Variants in ACOT9 observed in about 807,000 individuals in gnomAD.
ACOT9 encodes the protein acyl-coenzyme A thioesterase 9, mitochondrial.
A neutral mutation model predicts 39.7 loss-of-function variants in ACOT9; 34 were observed. That is an observed-to-expected ratio of 0.86 (90% confidence interval 0.65 to 1.14). The LOEUF is 1.14. ACOT9 is among the 50% of genes most tolerant of loss of function. ACOT9 has a pLI of 0.00. For missense variants in ACOT9, 313 were observed against 344.1 expected, an observed-to-expected ratio of 0.91 and a Z score of 0.71; for synonymous variants, 110 against 120.5, an observed-to-expected ratio of 0.91 and a Z score of 0.57.
rs1318479813 is a variant in ACOT9, at chrX:23,708,638, G to T, written c.663-694C>A. Among the ~76,000 whole-genome samples, 5 of 111,629 alleles carry T rather than the reference G, an allele frequency of 4.5e-5. No individual in the cohort carries two copies. In the East Asian group the frequency reaches 1.4e-3, roughly 31 times the overall value. On this transcript the variant is annotated intron_variant, in intron 9 of 15. Coordinates refer to ENST00000379303, the MANE Select transcript of ACOT9 (RefSeq NM_001037171.2). ...GCAGAGAGACTATTCTAAAGAAACA[G>T]GATAACCAAATGCAATATACAATCC...
At chrX:23,704,952 GA>G (rs752050847) in intron 14 of ACOT9, 40 bp downstream of exon 14, 214 of 1,071,572 alleles carry the variant, frequency 2.0e-4, no homozygotes, top group Admixed American at 1.0e-3. Context: ...AGGCTCAAAT[GA>G]AAAAAAAAAG....
At chrX:23,737,689 T>C (rs1929988183) in intron 1 of ACOT9, among the ~76,000 whole-genome samples, 1 of 111,318 alleles carries the variant, frequency 9.0e-6, no homozygotes, top group African/African-American at 3.3e-5. Flanking sequence ...AGTCATCTTA[T>C]TTGGTTGCAA....
intron 1 of ACOT9, among the ~76,000 whole-genome samples, chrX:23,742,217 A>T (rs188275095): frequency 3.3e-3 from 136 of 41,062 alleles, no homozygotes; most frequent in African/African-American, 0.015. Flanking sequence ...AGTGAGTGAG[A>T]GAGAGAGAGA....
At chrX:23,738,744 T>C (rs933316292) in intron 1 of ACOT9, among the ~76,000 whole-genome samples, 10 of 112,227 alleles carry the variant, frequency 8.9e-5, no homozygotes, top group African/African-American at 3.2e-4. Flanking sequence ...GGAACTATAA[T>C]AGACACGTTA....
chrX:23,717,306 G>A (rs1929117033), intron 8 of ACOT9, among the ~76,000 whole-genome samples: 1 of 111,535 alleles, frequency 9.0e-6, no homozygotes, highest in Non-Finnish European at 1.9e-5. Context: ...AAGGAGTTTA[G>A]ACTTTAATCC....
chrX:23,713,060 A>G, intron 9 of ACOT9, 75 bp downstream of exon 9: 6 of 874,818 alleles, frequency 6.9e-6, no homozygotes, highest in East Asian at 3.2e-5. Context: ...ATGGACATTC[A>G]TTATAGTTTT....
chrX:23,730,592 A>G, intron 5 of ACOT9, 28 bp from the exon 6 acceptor site: 1 of 1,178,951 alleles, frequency 8.5e-7, no homozygotes, highest in Non-Finnish European at 1.2e-6. Context: ...CAGTGAATTA[A>G]ATGCAAATCA....
chrX:23,742,506 A>C (rs948266641), intron 1 of ACOT9, among the ~76,000 whole-genome samples: 12 of 110,604 alleles, frequency 1.1e-4, no homozygotes, highest in African/African-American at 3.6e-4. Flanking sequence ...GGAAGATTAC[A>C]TATACAAAAA....
At chrX:23,726,238 C>T (rs5970606) in intron 6 of ACOT9, among the ~76,000 whole-genome samples, 18 of 110,230 alleles carry the variant, frequency 1.6e-4, no homozygotes, top group African/African-American at 5.0e-4. Flanking sequence ...AAAATAAATT[C>T]AAAAAATAAT....
chrX:23,733,188 C>T lies in ACOT9; in HGVS notation c.175G>A (p.Ala59Thr). 8.3e-7 allele frequency: 1 copy of T among 1,208,443 alleles called. No individual in the cohort carries two copies. Among genetic ancestry groups the T allele is most frequent in the Non-Finnish European group, 1.1e-6 (1 of 893,110 alleles). ...VRDKLREIVG[A>T]STNWRDHVKA... is the part of the protein sequence containing the mutation. ...GATGCATACCTCCAGTTTGTGGATG[C>T]TCCTACTATCTCCCGCAACTTATCT... The change falls in exon 4 of 16, where the codon GCA (alanine) becomes ACA (threonine). Residue 59 changes from alanine (A) to threonine (T), a missense_variant. Coordinates refer to ENST00000379303, the MANE Select transcript of ACOT9 (RefSeq NM_001037171.2).
chrX:23,709,588 C>T (rs1601805710), intron 9 of ACOT9, among the ~76,000 whole-genome samples: 1 of 111,198 alleles, frequency 9.0e-6, no homozygotes, highest in African/African-American at 3.3e-5. Context: ...CACTAAGGGA[C>T]CAACATATTT....
At position 23,714,651 on chromosome X, in the gene ACOT9, G is replaced by A. The variant is rs1229272060; in HGVS notation, c.589-1443C>T. Among the ~76,000 whole-genome samples, 6 of 111,177 alleles carry A rather than the reference G, an allele frequency of 5.4e-5. No homozygotes were observed. In the East Asian group the frequency reaches 1.7e-3, roughly 32 times the overall value. On this transcript the variant is annotated intron_variant, in intron 8 of 15. Transcript: ENST00000379303. ...CTTTTTTTCTCTCCCCAGGAAGAGG[G>A]TCTCACTCTATCACCCAGGTTGGAG...
chrX:23,719,705 C>T (rs1929230160), intron 8 of ACOT9, among the ~76,000 whole-genome samples: 1 of 111,760 alleles, frequency 8.9e-6, no homozygotes, highest in Non-Finnish European at 1.9e-5. Flanking sequence ...AATCTAATGC[C>T]GCTGCTGATC....
At chrX:23,725,898 C>T (rs1485291219) in intron 6 of ACOT9, among the ~76,000 whole-genome samples, 2 of 107,351 alleles carry the variant, frequency 1.9e-5, no homozygotes, top group African/African-American at 6.8e-5. Context: ...TTAATATGAA[C>T]AAATTATAAA....
At chrX:23,704,551 G>C in intron 15 of ACOT9, 143 bp downstream of exon 15, 1 of 712,027 alleles carries the variant, frequency 1.4e-6, no homozygotes, top group East Asian at 3.3e-5. Context: ...TGGCCTTCAG[G>C]GCTGCCAAAT....
chrX:23,708,484 C>T (rs902969783), intron 9 of ACOT9, among the ~76,000 whole-genome samples: 19 of 106,210 alleles, frequency 1.8e-4, no homozygotes, highest in African/African-American at 5.5e-4. Flanking sequence ...GAGCCGAGAT[C>T]GTGCCAGTGC....
chrX:23,739,206 C>T (rs914018309), intron 1 of ACOT9, among the ~76,000 whole-genome samples: 2 of 110,492 alleles, frequency 1.8e-5, no homozygotes, highest in African/African-American at 3.3e-5. Context: ...TGCGGTGAGC[C>T]GAGATCGTGC....
rs780255334 is a variant in ACOT9 at position 23,730,913 on chromosome X, G to A, written c.265C>T (p.Pro89Ser). The A allele has an allele frequency of 2.0e-5, 24 of 1,210,296 alleles. No individual in the cohort carries two copies. Among genetic ancestry groups the A allele is most frequent in the Non-Finnish European group, 2.5e-5 (22 of 894,125 alleles). Residue 89 changes from proline to serine, a missense_variant, in exon 5 of 16, where the codon CCT (proline) becomes TCT (serine). Pro to Ser is a moderately conservative substitution (Grantham distance 74). Coordinates refer to ENST00000379303, the MANE Select transcript of ACOT9 (RefSeq NM_001037171.2). The part of the protein sequence containing the change: ...FLAKSQDGLP[P>S]RRMKDSYIEV... ...ATATAACTGTCCTTCATTCTCCTAG[G>A]AGGCAGTCCATCCTGTGATTTAGCC...
At chrX:23,742,883 G>A (rs939628035) in intron 1 of ACOT9, among the ~76,000 whole-genome samples, 1 of 112,848 alleles carries the variant, frequency 8.9e-6, no homozygotes, top group Non-Finnish European at 1.9e-5. Context: ...TAAAAGTGCT[G>A]CTTTGCTTTT....
Sources: allele counts gnomAD v4.1 joint callset (sites outside exome capture counted in the v4.1 genomes callset), GRCh38; gene constraint gnomAD v4.1.1; transcripts MANE v1.5; gene names NCBI Gene and HGNC (gene_info 2026-07-23, HGNC 2026-07-21).